Variants in REEP3 observed in about 807,000 individuals in gnomAD.
REEP3 encodes the protein receptor expression-enhancing protein 3.
Under a neutral mutation model 41.3 loss-of-function variants are expected in REEP3, and 20 were observed. The ratio of observed to expected loss-of-function variants is 0.48; its 90% confidence interval spans 0.34 to 0.70. The LOEUF (loss-of-function observed/expected upper bound fraction) is 0.70, where lower values mean the gene tolerates loss of function less well. Ranked by LOEUF, REEP3 falls within the 30% of genes least tolerant of loss-of-function variation. The probability of loss-of-function intolerance (pLI) is 0.01; values close to 1 mark genes in which losing one functional copy is unlikely to be tolerated. For synonymous variants in REEP3, 104 were observed against 101.8 expected (o/e 1.02, Z -0.13); for missense variants, 271 against 308.8 (o/e 0.88, Z 0.92).
intron 7 of REEP3, among the ~76,000 whole-genome samples, chr10:63,620,107 A>G (rs1320441849): frequency 1.3e-5 from 2 of 151,068 alleles, no homozygotes; most frequent in Non-Finnish European, 3.0e-5. Context: ...TAATTTTTTC[A>G]TTTTTTGTAG....
chr10:63,579,111 A>C (rs926886251), intron 2 of REEP3, among the ~76,000 whole-genome samples: 1 of 151,352 alleles, frequency 6.6e-6, no homozygotes, highest in Non-Finnish European at 1.5e-5. Flanking sequence ...AGCTCACTGC[A>C]ACCTCTGTCT....
chr10:63,586,748 T>C (rs72838769), intron 2 of REEP3, among the ~76,000 whole-genome samples: 10,364 of 152,188 alleles, frequency 0.068, 652 homozygotes, highest in African/African-American at 0.16. Context: ...CCCAGGCTGG[T>C]CTGGAACTCC....
intron 2 of REEP3, among the ~76,000 whole-genome samples, chr10:63,569,940 C>CA (rs904874341): frequency 4.0e-5 from 6 of 150,708 alleles, no homozygotes; most frequent in African/African-American, 1.5e-4. Flanking sequence ...AACCCTGTCT[C>CA]AAAAAAAATA....
At chr10:63,564,903 T>A (rs1260522231) in intron 1 of REEP3, among the ~76,000 whole-genome samples, 2 of 152,224 alleles carry the variant, frequency 1.3e-5, no homozygotes, top group African/African-American at 4.8e-5. Flanking sequence ...CAAAAGGTTG[T>A]AAGCATGGAA....
Position 63,602,638 on chromosome 10 carries a change from TCTC to T in REEP3, c.417+3358_417+3360del, listed in dbSNP as rs565039863. Among the ~76,000 whole-genome samples the T allele has an allele frequency of 4.6e-5, 7 of 152,316 alleles. No individual in the cohort carries two copies. In the South Asian group the frequency reaches 1.5e-3, roughly 32 times the overall value. On this transcript the variant is annotated intron_variant, in intron 5 of 7. Coordinates refer to ENST00000373758, the MANE Select transcript of REEP3 (RefSeq NM_001001330.3). ...ACATTTGTGTATAATAATCTATTAT[TCTC>T]CTATTTTGTGAGACACCATTGTACA...
At chr10:63,591,551 T>C (rs186228933) in intron 2 of REEP3, among the ~76,000 whole-genome samples, 1 of 152,360 alleles carries the variant, frequency 6.6e-6, no homozygotes, top group African/African-American at 2.4e-5. Flanking sequence ...TTAGATAGTT[T>C]GCTGTTGGGT....
At chr10:63,568,746 C>T (rs750089119) in intron 2 of REEP3, among the ~76,000 whole-genome samples, 12 of 150,316 alleles carry the variant, frequency 8.0e-5, no homozygotes, top group Non-Finnish European at 1.3e-4. Context: ...GCCTGGACCT[C>T]ATGGGCTCAA....
chr10:63,597,215 T>A (rs1956123395), intron 3 of REEP3, among the ~76,000 whole-genome samples: 1 of 152,204 alleles, frequency 6.6e-6, no homozygotes, highest in Admixed American at 6.5e-5. Context: ...AGTTTAGGTC[T>A]GCAGAGTGCT....
At chr10:63,605,112 T>G (rs1956212268) in intron 5 of REEP3, among the ~76,000 whole-genome samples, 1 of 152,102 alleles carries the variant, frequency 6.6e-6, no homozygotes, top group Admixed American at 6.6e-5. Flanking sequence ...AGTGTTAAGG[T>G]TGAGAAACTG....
intron 1 of REEP3, among the ~76,000 whole-genome samples, chr10:63,547,013 TCA>T: frequency 6.6e-6 from 1 of 152,052 alleles, no homozygotes; most frequent in South Asian, 2.1e-4. Context: ...CCTCCGCCTC[TCA>T]GTTTCAAGCA....
chr10:63,585,203 C>G (rs1038483920), intron 2 of REEP3, among the ~76,000 whole-genome samples: 4 of 152,132 alleles, frequency 2.6e-5, no homozygotes, highest in African/African-American at 9.7e-5. Flanking sequence ...TTTCCAGGCA[C>G]AGGGTGCTAG....
chr10:63,547,610 G>A (rs974237062), intron 1 of REEP3, among the ~76,000 whole-genome samples: 1 of 152,104 alleles, frequency 6.6e-6, no homozygotes, highest in African/African-American at 2.4e-5. Context: ...AGATTCCTGG[G>A]CCTTTATTTG....
chr10:63,558,537 A>G (rs1194379184), intron 1 of REEP3, among the ~76,000 whole-genome samples: 1 of 152,194 alleles, frequency 6.6e-6, no homozygotes, highest in African/African-American at 2.4e-5. Context: ...CTGCAATCCC[A>G]GCACTTTGGG....
intron 2 of REEP3, among the ~76,000 whole-genome samples, chr10:63,576,024 T>C (rs1408318685): frequency 6.6e-6 from 1 of 152,362 alleles, no homozygotes; most frequent in East Asian, 1.9e-4. Context: ...TGAGCCACTG[T>C]GCCTGGCCGG....
intron 2 of REEP3, 80 bp downstream of exon 2, chr10:63,566,490 A>G: frequency 1.3e-6 from 1 of 793,910 alleles, no homozygotes. Flanking sequence ...TCTCTTAGAA[A>G]CGGCTGGAGT....
At position 63,521,481 on chromosome 10, in the gene REEP3, G is replaced by A; in HGVS notation, c.-65G>A. On this transcript the variant is annotated 5_prime_UTR_variant, in exon 1 of 8. Transcript: ENST00000373758. ...CCGGCGAAGCGCGCGGCCTGCCGTT[G>A]GCGGCCTGGTCCGCAGCGCCCTGCG... 6 of 1,160,320 alleles carry A rather than the reference G, an allele frequency of 5.2e-6. No individual in the cohort carries two copies. The highest frequency in any genetic ancestry group is 6.7e-6 in the Non-Finnish European group (6 of 897,968). The allele number at this position is 1,160,320 out of a possible 1,614,324, so 71.9% of individuals were successfully genotyped here. A position where few individuals can be genotyped will look rare whatever the true frequency, so the allele number is the denominator to read the frequency against.
chr10:63,533,070 A>C (rs1222501141), intron 1 of REEP3, among the ~76,000 whole-genome samples: 1 of 152,234 alleles, frequency 6.6e-6, no homozygotes, highest in African/African-American at 2.4e-5. Context: ...ATAACGTCTA[A>C]AATTGTTCAA....
At chr10:63,579,818 A>T (rs1955933075) in intron 2 of REEP3, among the ~76,000 whole-genome samples, 1 of 152,104 alleles carries the variant, frequency 6.6e-6, no homozygotes, top group Non-Finnish European at 1.5e-5. Context: ...AGGCCTAGCC[A>T]CCCCCACCCT....
At chr10:63,554,033 C>T (rs1226567357) in intron 1 of REEP3, among the ~76,000 whole-genome samples, 1 of 150,406 alleles carries the variant, frequency 6.6e-6, no homozygotes, top group Non-Finnish European at 1.5e-5. Context: ...ACCCGGGAGG[C>T]AGAGCTTGCA....
Sources: allele counts gnomAD v4.1 joint callset (sites outside exome capture counted in the v4.1 genomes callset), GRCh38; gene constraint gnomAD v4.1.1; transcripts MANE v1.5; gene names NCBI Gene and HGNC (gene_info 2026-07-23, HGNC 2026-07-21).